Variants in LRBA observed in about 807,000 individuals in gnomAD.
The protein encoded by LRBA is LPS responsive beige-like anchor protein, also known as lipopolysaccharide-responsive and beige-like anchor protein.
A neutral mutation model predicts 330.0 loss-of-function variants in LRBA; 176 were observed. The ratio of observed to expected loss-of-function variants is 0.53; its 90% CI spans 0.47 to 0.60. LRBA has a LOEUF of 0.60. Among genes scored for constraint, LRBA ranks in the 20% least tolerant of loss-of-function variants. LRBA has a pLI of 0.00. For synonymous variants in LRBA, 1,230 were observed against 1,193.0 expected (o/e 1.03, Z -0.64); for missense variants, 3,259 against 3,444.8 (o/e 0.95, Z 1.35).
rs1329260934 is a variant in LRBA, at chr4:150,916,461, T to C, written c.834A>G (p.Ser278=). Residue 278 remains serine (S), a synonymous_variant, in exon 7 of 57, where the codon TCA becomes TCG. Coordinates refer to ENST00000651943, the MANE Select transcript of LRBA (RefSeq NM_001364905.1). The part of the protein sequence containing the change: ...HFVGGCLIVT[S]IKSKGKGFQH... ...GAAAGCCTTTTCCTTTTGACTTTAT[T>C]GATGTTACAATCAAACAGCCTCCAA... is the stretch of plus-strand genomic sequence containing the variant. 3 of 1,613,800 alleles carry C rather than the reference T, an allele frequency of 1.9e-6. No homozygotes were observed. Among genetic ancestry groups the C allele is most frequent in the Admixed American group, 1.7e-5 (1 of 60,014 alleles).
At chr4:150,968,279 AG>A (rs1739135466) in intron 2 of LRBA, among the ~76,000 whole-genome samples, 3 of 152,196 alleles carry the variant, frequency 2.0e-5, no homozygotes, top group Non-Finnish European at 4.4e-5. Flanking sequence ...CTGGGATCAC[AG>A]GCATGAGCCA....
chr4:150,436,318 A>ATATAT (rs1303461845), intron 45 of LRBA, among the ~76,000 whole-genome samples: 1 of 152,170 alleles, frequency 6.6e-6, no homozygotes, highest in Admixed American at 6.5e-5. Flanking sequence ...TGTTTAACCA[A>ATATAT]TATATTATCA....
At chr4:150,640,003 C>T (rs1226765640) in intron 37 of LRBA, among the ~76,000 whole-genome samples, 1 of 149,560 alleles carries the variant, frequency 6.7e-6, no homozygotes, top group Non-Finnish European at 1.5e-5. Context: ...ATTACAGGTG[C>T]CTGCCACCAT....
At chr4:150,271,669 G>C (rs931440781) in intron 56 of LRBA, among the ~76,000 whole-genome samples, 2 of 151,964 alleles carry the variant, frequency 1.3e-5, no homozygotes, top group African/African-American at 2.4e-5. Context: ...CAAGCTTGGT[G>C]GGGGGAGGAG....
At chr4:150,623,259 TC>T (rs1338861266) in intron 37 of LRBA, among the ~76,000 whole-genome samples, 1 of 152,204 alleles carries the variant, frequency 6.6e-6, no homozygotes, top group Non-Finnish European at 1.5e-5. Context: ...TGCAAATAAC[TC>T]CTTTTGACTT....
At chr4:150,398,133 T>C (rs1355918079) in intron 47 of LRBA, among the ~76,000 whole-genome samples, 1 of 152,076 alleles carries the variant, frequency 6.6e-6, no homozygotes, top group Non-Finnish European at 1.5e-5. Flanking sequence ...AGACATTCTG[T>C]TGGTGGAATA....
chr4:150,315,388 A>C lies in LRBA; in HGVS notation c.7693+173T>G, dbSNP rs557325931. ...CAAATTAGGCAAACCAACGAGGGGG[A>C]GTTGATGAAATACCAGCATAGCCAC... is the stretch of plus-strand genomic sequence containing the variant. On this transcript the variant is annotated intron_variant, in intron 51 of 56. Transcript: ENST00000651943. 10 of 660,358 alleles carry C rather than the reference A, an allele frequency of 1.5e-5. No individual in the cohort carries two copies. The East Asian group carries it at 2.7e-4, about 18-fold the overall frequency. The allele number at this position is 660,358 out of a possible 1,614,324, so 40.9% of individuals were successfully genotyped here. A position where few individuals can be genotyped will look rare whatever the true frequency, so the allele number is the denominator to read the frequency against.
intron 44 of LRBA, among the ~76,000 whole-genome samples, chr4:150,463,455 G>A (rs1755032867): frequency 2.0e-5 from 3 of 151,944 alleles, no homozygotes; most frequent in African/African-American, 4.8e-5. Flanking sequence ...TTACACAAAT[G>A]ACATTTCTTA....
chr4:150,325,719 G>T, intron 49 of LRBA, 90 bp downstream of exon 49: 1 of 893,812 alleles, frequency 1.1e-6, no homozygotes, highest in Admixed American at 1.9e-5. Flanking sequence ...ACATATGGTG[G>T]AGAAACTCAA....
At chr4:150,834,369 T>C (rs1360340218) in intron 28 of LRBA, among the ~76,000 whole-genome samples, 1 of 152,192 alleles carries the variant, frequency 6.6e-6, no homozygotes, top group Non-Finnish European at 1.5e-5. Flanking sequence ...ATTTCTTAAA[T>C]AGTAAGTCAA....
At chr4:150,528,430 G>T (rs992626663) in intron 40 of LRBA, among the ~76,000 whole-genome samples, 9 of 151,532 alleles carry the variant, frequency 5.9e-5, no homozygotes, top group South Asian at 2.1e-4. Context: ...GAACCCGGGA[G>T]GTGGAGCTTG....
intron 28 of LRBA, among the ~76,000 whole-genome samples, chr4:150,836,524 T>A (rs1476099688): frequency 6.6e-6 from 1 of 152,114 alleles, no homozygotes; most frequent in Non-Finnish European, 1.5e-5. Flanking sequence ...CCTGGTTTAG[T>A]CTTGGGAGGG....
chr4:150,549,425 G>A (rs965714900), intron 40 of LRBA, among the ~76,000 whole-genome samples: 8 of 151,602 alleles, frequency 5.3e-5, no homozygotes, highest in South Asian at 2.1e-4. Flanking sequence ...TCCGCCTCCC[G>A]GGTTCACACC....
chr4:150,488,326 T>C (rs1758133409), intron 41 of LRBA, among the ~76,000 whole-genome samples: 2 of 151,668 alleles, frequency 1.3e-5, no homozygotes, highest in South Asian at 2.1e-4. Flanking sequence ...TTATTTCCAA[T>C]CATTAAGTTT....
intron 56 of LRBA, among the ~76,000 whole-genome samples, chr4:150,276,205 G>A (rs1455561311): frequency 6.6e-6 from 1 of 152,190 alleles, no homozygotes; most frequent in East Asian, 1.9e-4. Flanking sequence ...ATTAGTAAAT[G>A]GTGTTGGGAA....
chr4:150,851,496 C>T (rs1020170084), intron 23 of LRBA, among the ~76,000 whole-genome samples: 1 of 152,148 alleles, frequency 6.6e-6, no homozygotes, highest in African/African-American at 2.4e-5. Flanking sequence ...AAATCACATG[C>T]TTAGTAACTA....
intron 47 of LRBA, among the ~76,000 whole-genome samples, chr4:150,403,745 G>T (rs1745800950): frequency 6.6e-6 from 1 of 151,998 alleles, no homozygotes; most frequent in Admixed American, 6.5e-5. Flanking sequence ...CACCTGGCTG[G>T]GCACGGTGGC....
At chr4:150,953,530 G>A (rs974875456) in intron 2 of LRBA, among the ~76,000 whole-genome samples, 2 of 152,166 alleles carry the variant, frequency 1.3e-5, no homozygotes, top group East Asian at 3.9e-4. Flanking sequence ...CACCTGACTG[G>A]TTTTCGTATT....
At chr4:150,915,936 C>A (rs1732536462) in intron 7 of LRBA, among the ~76,000 whole-genome samples, 1 of 152,034 alleles carries the variant, frequency 6.6e-6, no homozygotes, top group Non-Finnish European at 1.5e-5. Context: ...GATCATTTTT[C>A]CAGCTTTTTA....
Sources: gnomAD v4.1 joint callset for allele counts (sites outside exome capture counted in the v4.1 genomes callset) on GRCh38, gnomAD v4.1.1 for gene constraint, MANE v1.5 for transcripts, NCBI Gene and HGNC (gene_info 2026-07-23, HGNC 2026-07-21) for gene names.